NELL1: variants seen among roughly 807,000 people sequenced by gnomAD.
NELL1 encodes neural EGFL like 1.
In NELL1, 76 loss-of-function variants were observed where a neutral mutation model predicts 107.4. That is an observed-to-expected ratio of 0.71 (90% CI 0.59 to 0.86). NELL1 has a LOEUF of 0.86. Among genes scored for constraint, NELL1 ranks in the 40% least tolerant of loss-of-function variants. NELL1 has a pLI of 0.00. For synonymous variants in NELL1, 353 were observed against 341.2 expected, an observed-to-expected ratio of 1.03 and a Z score of -0.38; for missense variants, 1,024 against 1,005.5, an observed-to-expected ratio of 1.02 and a Z score of -0.25.
At chr11:21,157,053 G>T (rs1343811597) in intron 13 of NELL1, among the ~76,000 whole-genome samples, 1 of 151,968 alleles carries the variant, frequency 6.6e-6, no homozygotes, top group African/African-American at 2.4e-5. Flanking sequence ...AGTGAGCTGA[G>T]ATTGTGCCAC....
chr11:20,838,958 T>G (rs1214885517), intron 3 of NELL1, among the ~76,000 whole-genome samples: 1 of 152,210 alleles, frequency 6.6e-6, no homozygotes, highest in East Asian at 1.9e-4. Context: ...CTTAGTGCCT[T>G]CGGCTTGGTT....
At chr11:21,472,751 T>C (rs1036613396) in intron 15 of NELL1, among the ~76,000 whole-genome samples, 1 of 151,944 alleles carries the variant, frequency 6.6e-6, no homozygotes, top group Non-Finnish European at 1.5e-5. Flanking sequence ...CACAAGTGTC[T>C]AGGTAGAAAC....
chr11:21,450,919 G>A (rs1173697229), intron 15 of NELL1, among the ~76,000 whole-genome samples: 4 of 151,904 alleles, frequency 2.6e-5, no homozygotes, highest in East Asian at 1.9e-4. Flanking sequence ...GGCCGGGTGC[G>A]GTGGCTCACG....
intron 4 of NELL1, among the ~76,000 whole-genome samples, chr11:20,848,393 A>G (rs1848738912): frequency 6.6e-6 from 1 of 152,028 alleles, no homozygotes. Flanking sequence ...CTGTCACTGG[A>G]GCCAGGTTTA....
intron 4 of NELL1, among the ~76,000 whole-genome samples, chr11:20,851,352 G>T (rs77991314): frequency 6.6e-6 from 1 of 152,046 alleles, no homozygotes; most frequent in Non-Finnish European, 1.5e-5. Flanking sequence ...TGTTTAGCTG[G>T]GCTTAGTTAG....
chr11:21,392,209 A>G (rs562785832), intron 15 of NELL1, among the ~76,000 whole-genome samples: 1 of 151,918 alleles, frequency 6.6e-6, no homozygotes, highest in Admixed American at 6.6e-5. Context: ...AAAGAAAGGC[A>G]GTAGCCTGGC....
intron 14 of NELL1, among the ~76,000 whole-genome samples, chr11:21,243,958 T>C (rs987047790): frequency 6.6e-6 from 1 of 152,134 alleles, no homozygotes; most frequent in African/African-American, 2.4e-5. Context: ...TTTTTTGTTA[T>C]GTTGAGCAGC....
intron 12 of NELL1, among the ~76,000 whole-genome samples, chr11:21,083,783 T>TC (rs1854323533): frequency 6.6e-6 from 1 of 152,204 alleles, no homozygotes; most frequent in Non-Finnish European, 1.5e-5. Flanking sequence ...CTTATTACTG[T>TC]CCCTCACTGC....
intron 16 of NELL1, among the ~76,000 whole-genome samples, chr11:21,538,619 T>C (rs1856206085): frequency 6.6e-6 from 1 of 152,186 alleles, no homozygotes; most frequent in African/African-American, 2.4e-5. Context: ...CAGTGATTTG[T>C]TGGCACTGTA....
intron 17 of NELL1, among the ~76,000 whole-genome samples, chr11:21,567,262 A>G (rs944345384): frequency 6.6e-6 from 1 of 151,672 alleles, no homozygotes; most frequent in Non-Finnish European, 1.5e-5. Context: ...GTCTTCAGGG[A>G]GTCATTTGGG....
intron 16 of NELL1, among the ~76,000 whole-genome samples, chr11:21,556,288 G>C (rs1456682814): frequency 2.0e-5 from 3 of 151,834 alleles, no homozygotes; most frequent in Admixed American, 1.3e-4. Flanking sequence ...CACCTGTTTT[G>C]AGTTTGAAAA....
rs36022880 is a variant in NELL1 at position 21,498,348 on chromosome 11, CAT to C, written c.1646-36012_1646-36011del. ...CATAAACATATTATATATATATATA[CAT>C]ATATATATATATACAGACACACATA... On this transcript the variant is annotated intron_variant, in intron 15 of 19. Transcript: ENST00000357134. 5.6e-3 allele frequency among the ~76,000 whole-genome samples: 797 copies of C among 143,042 alleles called. 6 individuals carry two copies. Among genetic ancestry groups the C allele is most frequent in the African/African-American group, 0.019 (760 of 39,572 alleles). The allele number at this position is 143,042 out of a possible 152,430, so 93.8% of individuals were successfully genotyped here. A position where few individuals can be genotyped will look rare whatever the true frequency, so the allele number is the denominator to read the frequency against.
chr11:20,979,370 GTGTT>G (rs760258607), intron 12 of NELL1, among the ~76,000 whole-genome samples: 29 of 152,280 alleles, frequency 1.9e-4, no homozygotes, highest in Non-Finnish European at 3.1e-4. Context: ...CAGTGTGTGT[GTGTT>G]TGTGTGTGCA....
At chr11:20,730,014 C>T (rs1855595482) in intron 2 of NELL1, among the ~76,000 whole-genome samples, 1 of 152,046 alleles carries the variant, frequency 6.6e-6, no homozygotes, top group East Asian at 1.9e-4. Context: ...GATGAATTTC[C>T]AAGGAGGACA....
rs375635854 is a variant in NELL1 at position 21,574,979 on chromosome 11, G to A, written c.2390G>A (p.Arg797Lys). ...TGTTTCTTTGATGTACAGAATGGAA[G>A]AGTCTGTTGTTCTGTGGATTTTGAG... ...PCTTCKCKNG[R>K]VCCSVDFECL... The change falls in exon 20 of 20, where the codon AGA (arginine) becomes AAA (lysine). Residue 797 changes from arginine (R) to lysine (K), a missense_variant. Arg to Lys is a conservative substitution (Grantham distance 26). Transcript: ENST00000357134. The A allele has an allele frequency of 1.2e-6, 2 of 1,610,830 alleles. No individual in the cohort carries two copies. The highest frequency in any genetic ancestry group is 1.7e-6 in the Non-Finnish European group (2 of 1,177,858).
chr11:21,331,658 T>C (rs1850275664), intron 14 of NELL1, among the ~76,000 whole-genome samples: 1 of 152,080 alleles, frequency 6.6e-6, no homozygotes, highest in Admixed American at 6.6e-5. Context: ...GGAAATAAAT[T>C]ACCCTACAAT....
At chr11:20,819,917 G>A (rs1276953603) in intron 3 of NELL1, among the ~76,000 whole-genome samples, 2 of 152,166 alleles carry the variant, frequency 1.3e-5, no homozygotes, top group Non-Finnish European at 2.9e-5. Context: ...GGTGCCTAAG[G>A]GACAAAGAGA....
At chr11:20,889,988 G>A (rs773779453) in intron 5 of NELL1, among the ~76,000 whole-genome samples, 1 of 152,114 alleles carries the variant, frequency 6.6e-6, no homozygotes, top group Non-Finnish European at 1.5e-5. Context: ...AAGCACACCC[G>A]CTCCACCAAT....
chr11:20,702,381 G>T (rs1341846933), intron 2 of NELL1, among the ~76,000 whole-genome samples: 1 of 151,912 alleles, frequency 6.6e-6, no homozygotes, highest in Non-Finnish European at 1.5e-5. Flanking sequence ...CTTTGCTGAA[G>T]TTGCTTATCA....
Sources: gnomAD v4.1 joint callset for allele counts (sites outside exome capture counted in the v4.1 genomes callset) on GRCh38, gnomAD v4.1.1 for gene constraint, MANE v1.5 for transcripts, NCBI Gene and HGNC (gene_info 2026-07-23, HGNC 2026-07-21) for gene names.